Variants in ADGRB3 observed in about 807,000 individuals in gnomAD.
ADGRB3 encodes the protein adhesion G protein-coupled receptor B3, also known as brain-specific angiogenesis inhibitor 3.
A neutral mutation model predicts 193.4 loss-of-function variants in ADGRB3; 37 were observed. The observed-to-expected ratio is 0.19, with a 90% CI of 0.15 to 0.25. The LOEUF (loss-of-function observed/expected upper bound fraction) is 0.25, where lower values mean the gene tolerates loss of function less well. Among genes scored for constraint, ADGRB3 ranks in the 10% least tolerant of loss-of-function variants. The pLI is 1.00. For synonymous variants in ADGRB3, 690 were observed against 644.2 expected (o/e 1.07, Z -1.08); for missense variants, 1,637 against 1,852.9 (o/e 0.88, Z 2.14).
At chr6:69,185,941 A>G (rs1440765752) in intron 17 of ADGRB3, among the ~76,000 whole-genome samples, 1 of 152,118 alleles carries the variant, frequency 6.6e-6, no homozygotes, top group African/African-American at 2.4e-5. Flanking sequence ...GATACCCCAA[A>G]TGGATCAAAG....
chr6:69,023,575 G>A (rs1351398430), intron 13 of ADGRB3, among the ~76,000 whole-genome samples: 1 of 152,012 alleles, frequency 6.6e-6, no homozygotes, highest in African/African-American at 2.4e-5. Context: ...AGAAGTGAAG[G>A]AAGTAAAATC....
chr6:69,188,985 A>G (rs56680460), intron 17 of ADGRB3, among the ~76,000 whole-genome samples: 3,304 of 152,318 alleles, frequency 0.022, 120 homozygotes, highest in African/African-American at 0.071. Context: ...TTGGTATTTT[A>G]CAGTGTAAGA....
At chr6:68,708,874 A>C (rs914847298) in intron 3 of ADGRB3, among the ~76,000 whole-genome samples, 23 of 152,254 alleles carry the variant, frequency 1.5e-4, no homozygotes, top group East Asian at 5.8e-4. Context: ...TAATGTCGAC[A>C]CCTATTACCA....
At chr6:69,128,123 A>C (rs1773907658) in intron 17 of ADGRB3, among the ~76,000 whole-genome samples, 1 of 152,158 alleles carries the variant, frequency 6.6e-6, no homozygotes, top group Admixed American at 6.5e-5. Flanking sequence ...GGCTGTACCC[A>C]ATCTGCGAAA....
rs146237783 is a variant in ADGRB3, at chr6:69,378,193, A to G, written c.4276-4638A>G. On this transcript the variant is annotated intron_variant, in intron 30 of 31. Coordinates refer to ENST00000370598, the MANE Select transcript of ADGRB3 (RefSeq NM_001704.3). ...GACCAGCCATTAAAAATATAATTGCAGTACTATGAAATAGCTGCAGGGTGA... is the reference window on the plus strand; with the variant it reads ...GACCAGCCATTAAAAATATAATTGCGGTACTATGAAATAGCTGCAGGGTGA... Among the ~76,000 whole-genome samples the G allele has an allele frequency of 6.8e-4, 104 of 152,188 alleles. No individual in the cohort carries two copies. The East Asian group carries it at 0.017, about 25-fold the overall frequency.
At chr6:69,211,283 G>A (rs1197221707) in intron 17 of ADGRB3, among the ~76,000 whole-genome samples, 1 of 152,114 alleles carries the variant, frequency 6.6e-6, no homozygotes, top group Non-Finnish European at 1.5e-5. Context: ...TGAATTGGAG[G>A]TCATGCGTGA....
At chr6:69,270,086 G>T (rs865854495) in intron 20 of ADGRB3, among the ~76,000 whole-genome samples, 12 of 152,028 alleles carry the variant, frequency 7.9e-5, no homozygotes, top group Non-Finnish European at 1.6e-4. Flanking sequence ...TTGTGGGATG[G>T]GTTTATTTCA....
In ADGRB3 at chr6:69,337,311, T is replaced by C. The variant is rs532018459; in HGVS notation, c.3189-1605T>C. ...ATAACTAATCCATGCCTTTTTCATA[T>C]TAATCTGATCAGATTTAACAAGATT... On this transcript the variant is annotated intron_variant, in intron 24 of 31. Transcript: ENST00000370598. Among the ~76,000 whole-genome samples the C allele has an allele frequency of 4.2e-4, 64 of 152,326 alleles. 1 individual carries two copies. The highest frequency in any genetic ancestry group is 3.4e-3 in the Admixed American group (52 of 15,286).
intron 12 of ADGRB3, among the ~76,000 whole-genome samples, chr6:69,016,199 G>T (rs1770085228): frequency 6.6e-6 from 1 of 151,674 alleles, no homozygotes. Flanking sequence ...AACAGAAAAA[G>T]TTTGCCAACC....
intron 3 of ADGRB3, among the ~76,000 whole-genome samples, chr6:68,860,074 G>A (rs1449562095): frequency 2.6e-5 from 4 of 151,738 alleles, no homozygotes; most frequent in Non-Finnish European, 4.4e-5. Context: ...TTACATTTTT[G>A]CAAATACCTT....
intron 12 of ADGRB3, among the ~76,000 whole-genome samples, chr6:69,015,745 G>A (rs1267584692): frequency 2.6e-5 from 4 of 151,646 alleles, no homozygotes; most frequent in Non-Finnish European, 4.4e-5. Flanking sequence ...TTACTCTTTC[G>A]AATAGTCATT....
chr6:69,081,743 A>G (rs1314070584), intron 17 of ADGRB3, among the ~76,000 whole-genome samples: 2 of 152,094 alleles, frequency 1.3e-5, no homozygotes, highest in South Asian at 2.1e-4. Flanking sequence ...TAAATCTTAA[A>G]TGCTTAGTTT....
At chr6:68,747,446 T>A (rs1766106757) in intron 3 of ADGRB3, among the ~76,000 whole-genome samples, 1 of 152,226 alleles carries the variant, frequency 6.6e-6, no homozygotes, top group African/African-American at 2.4e-5. Flanking sequence ...TTTATTACAG[T>A]CTGCAATCAG....
At chr6:69,113,704 A>G (rs1193558405) in intron 17 of ADGRB3, among the ~76,000 whole-genome samples, 1 of 152,184 alleles carries the variant, frequency 6.6e-6, no homozygotes, top group African/African-American at 2.4e-5. Flanking sequence ...GAATGAGGCA[A>G]TTAGTCAATT....
At chr6:69,340,583 T>C (rs1366233664) in intron 26 of ADGRB3, among the ~76,000 whole-genome samples, 1 of 152,202 alleles carries the variant, frequency 6.6e-6, no homozygotes, top group Non-Finnish European at 1.5e-5. Context: ...ACCTGATTTA[T>C]CAGATGGGAA....
intron 17 of ADGRB3, among the ~76,000 whole-genome samples, chr6:69,102,732 C>T (rs761697711): frequency 6.6e-6 from 1 of 152,194 alleles, no homozygotes; most frequent in Non-Finnish European, 1.5e-5. Context: ...CCTAGTGCCA[C>T]ATCTGATTTA....
intron 3 of ADGRB3, among the ~76,000 whole-genome samples, chr6:68,790,443 G>A (rs1024343260): frequency 2.0e-5 from 3 of 152,150 alleles, no homozygotes; most frequent in African/African-American, 7.2e-5. Flanking sequence ...GAGAGTGGTG[G>A]TTCTCCCAGC....
intron 3 of ADGRB3, among the ~76,000 whole-genome samples, chr6:68,643,192 T>C (rs1768122313): frequency 6.6e-6 from 1 of 152,202 alleles, no homozygotes; most frequent in South Asian, 2.1e-4. Flanking sequence ...TCATTTGTCT[T>C]TCTACTCTGC....
intron 26 of ADGRB3, among the ~76,000 whole-genome samples, chr6:69,352,441 A>G (rs548276444): frequency 4.6e-5 from 7 of 152,360 alleles, no homozygotes; most frequent in South Asian, 4.1e-4. Flanking sequence ...CTTGCTTGGT[A>G]TCAGGTAATG....
Sources: allele counts gnomAD v4.1 joint callset (sites outside exome capture counted in the v4.1 genomes callset), GRCh38; gene constraint gnomAD v4.1.1; transcripts MANE v1.5; gene names NCBI Gene and HGNC (gene_info 2026-07-23, HGNC 2026-07-21).